CYREN: variants seen among roughly 807,000 people sequenced by gnomAD.
CYREN encodes the protein cell cycle regulator of NHEJ, also known as cell cycle regulator of non-homologous end joining.
A neutral mutation model predicts 9.7 loss-of-function variants in CYREN; 7 were observed. The observed-to-expected ratio is 0.72, with a 90% confidence interval of 0.41 to 1.36. CYREN has a LOEUF of 1.36. Ranked by LOEUF, CYREN falls within the 40% of genes most tolerant of loss-of-function variation. The pLI is 0.01. For missense variants in CYREN, 215 were observed against 198.1 expected (o/e 1.09, Z -0.51); for synonymous variants, 76 against 77.9 (o/e 0.98, Z 0.13).
At chr7:135,139,375 G>A (rs1406471069) in intron 2 of CYREN, among the ~76,000 whole-genome samples, 3 of 150,786 alleles carry the variant, frequency 2.0e-5, no homozygotes, top group East Asian at 3.9e-4. Flanking sequence ...TTGGCCATGT[G>A]TATGTCTTCT....
At chr7:135,113,237 T>C (rs986179334) in intron 2 of CYREN, among the ~76,000 whole-genome samples, 1 of 152,202 alleles carries the variant, frequency 6.6e-6, no homozygotes, top group African/African-American at 2.4e-5. Flanking sequence ...TTATTTTCCT[T>C]TTAAGAATAG....
chr7:135,155,490 A>G (rs1397074734), intron 2 of CYREN, among the ~76,000 whole-genome samples: 1 of 152,206 alleles, frequency 6.6e-6, no homozygotes, highest in Non-Finnish European at 1.5e-5. Flanking sequence ...ATTGTTTTAT[A>G]CAAACTATGA....
chr7:135,117,870 C>A (rs770197338), intron 2 of CYREN, among the ~76,000 whole-genome samples: 3 of 152,184 alleles, frequency 2.0e-5, no homozygotes, highest in Admixed American at 6.5e-5. Context: ...TGACCTCTAC[C>A]CACTGGCATG....
At chr7:135,164,547 G>A (rs2117476269), downstream of CYREN, 1 of 1,614,198 alleles carries the variant, frequency 6.2e-7, no homozygotes, top group Non-Finnish European at 8.5e-7. Context: ...TCTCTGGGAG[G>A]CTGGCAACCT....
chr7:135,105,949 C>T (rs10233546), intron 2 of CYREN, among the ~76,000 whole-genome samples: 3,622 of 152,142 alleles, frequency 0.024, 149 homozygotes, highest in African/African-American at 0.081. Flanking sequence ...AGAGATCTTT[C>T]ACCTCCCTAG....
At chr7:135,129,402 T>TTC in intron 2 of CYREN, 2 of 815,534 alleles carry the variant, frequency 2.5e-6, no homozygotes, top group African/African-American at 1.7e-5. Flanking sequence ...GGAACAAAGG[T>TTC]ATGATAAGAG....
In CYREN at chr7:135,147,680, C is replaced by T. The variant is rs556593733; in HGVS notation, n.356+21069G>A. 30 of 432,850 alleles carry T rather than the reference C, an allele frequency of 6.9e-5. No homozygotes were observed. In the East Asian group the frequency reaches 9.2e-4, roughly 13 times the overall value. 26.8% of individuals were successfully genotyped at this position (432,850 alleles called of 1,614,324 possible). A position where few individuals can be genotyped will look rare whatever the true frequency, so the allele number is the denominator to read the frequency against. On this transcript the variant is annotated intron_variant and non_coding_transcript_variant, in intron 2 of 2. Transcript: ENST00000459937. ...TCTCTAAAAGGGGTTGGGGGACAGA[C>T]GGCATAGCTGCTTCCCAAGGAAATG...
chr7:135,108,266 C>T (rs893769859), intron 2 of CYREN, among the ~76,000 whole-genome samples: 2 of 152,112 alleles, frequency 1.3e-5, no homozygotes, highest in African/African-American at 4.8e-5. Flanking sequence ...GTGTTGTTAG[C>T]TGTTTATTAT....
chr7:135,161,374 G>A (rs1382221535), downstream of CYREN, among the ~76,000 whole-genome samples: 1 of 152,124 alleles, frequency 6.6e-6, no homozygotes, highest in East Asian at 1.9e-4. This position sits in a 1 kb window ranked among gnomAD's most constrained non-coding sequence, Gnocchi z 4.1. Flanking sequence ...AATTCAAATG[G>A]GAAAAGTGAG....
chr7:135,106,032 C>T (rs769205594), intron 2 of CYREN, among the ~76,000 whole-genome samples: 4 of 151,972 alleles, frequency 2.6e-5, no homozygotes, highest in East Asian at 1.9e-4. Context: ...ATTTGGCTCT[C>T]GGTTAGGCTG....
Position 135,144,938 on chromosome 7 carries a change from T to TAAAAAAAAAAAA in CYREN, n.356+23799_356+23810dup, listed in dbSNP as rs58443282. Among the ~76,000 whole-genome samples the TAAAAAAAAAAAA allele has an allele frequency of 3.5e-3, 160 of 45,622 alleles. 11 individuals are homozygous for TAAAAAAAAAAAA. The highest frequency in any genetic ancestry group is 0.019 in the Middle Eastern group (1 of 52). The allele number at this position is 45,622 out of a possible 152,430, so 29.9% of individuals were successfully genotyped here. On this transcript the variant is annotated intron_variant and non_coding_transcript_variant, in intron 2 of 2. Transcript: ENST00000459937. ...ACAGAGAGACCCTGTCTCAAAAGAG[T>TAAAAAAAAAAAA]AAAAAAAAAAAAAAAAAAAAAAAAA...
At chr7:135,100,469 G>C (rs1186628298) in intron 2 of CYREN, among the ~76,000 whole-genome samples, 1 of 152,170 alleles carries the variant, frequency 6.6e-6, no homozygotes, top group African/African-American at 2.4e-5. Context: ...TGGTGGAATA[G>C]GTAACCATAG....
intron 2 of CYREN, 105 bp from the exon 3 acceptor site, chr7:135,167,912 C>T: frequency 1.3e-6 from 2 of 1,557,134 alleles, no homozygotes; most frequent in Non-Finnish European, 1.7e-6. Context: ...TCCTACCACG[C>T]AGGAGGTACC....
At chr7:135,098,947 CATT>C (rs1823343145) in intron 2 of CYREN, among the ~76,000 whole-genome samples, 1 of 151,970 alleles carries the variant, frequency 6.6e-6, no homozygotes, top group South Asian at 2.1e-4. Context: ...AGGAGAGAAA[CATT>C]ATAAAAAAAT....
At chr7:135,156,728 G>A (rs1265425234) in intron 2 of CYREN, among the ~76,000 whole-genome samples, 1 of 151,910 alleles carries the variant, frequency 6.6e-6, no homozygotes, top group Non-Finnish European at 1.5e-5. Flanking sequence ...TCTTTGATTG[G>A]GATCTGCTGC....
intron 2 of CYREN, among the ~76,000 whole-genome samples, chr7:135,103,339 C>G (rs537050347): frequency 6.6e-6 from 1 of 152,010 alleles, no homozygotes; most frequent in Non-Finnish European, 1.5e-5. Context: ...TCTCTATATT[C>G]GGGAATATAG....
intron 2 of CYREN, among the ~76,000 whole-genome samples, chr7:135,144,794 A>C: frequency 6.6e-6 from 1 of 151,210 alleles, no homozygotes. Context: ...TTAGCCAGGC[A>C]TAGTGGCACG....
intron 2 of CYREN, among the ~76,000 whole-genome samples, chr7:135,119,985 A>G (rs529302136): frequency 6.6e-6 from 1 of 152,362 alleles, no homozygotes; most frequent in South Asian, 2.1e-4. Flanking sequence ...CACAAAGCAC[A>G]ATAATTTTAA....
intron 2 of CYREN, among the ~76,000 whole-genome samples, chr7:135,157,631 C>T (rs1829827843): frequency 6.6e-6 from 1 of 152,200 alleles, no homozygotes; most frequent in Non-Finnish European, 1.5e-5. Context: ...CAGGTGGTGT[C>T]ATGTGAGTGA....
Sources: allele counts gnomAD v4.1 joint callset (sites outside exome capture counted in the v4.1 genomes callset), GRCh38; gene constraint gnomAD v4.1.1; non-coding constraint Gnocchi (gnomAD v3.1); transcripts MANE v1.5; gene names NCBI Gene and HGNC (gene_info 2026-07-23, HGNC 2026-07-21).